Variants in POLA1 observed in about 807,000 individuals in gnomAD.
POLA1 encodes DNA polymerase alpha catalytic subunit.
A neutral mutation model predicts 124.0 loss-of-function variants in POLA1; 15 were observed. The observed-to-expected ratio is 0.12, with a 90% CI of 0.08 to 0.19. POLA1 has a LOEUF of 0.19. Among genes scored for constraint, POLA1 ranks in the 10% least tolerant of loss-of-function variants. POLA1 has a pLI of 1.00. For synonymous variants in POLA1, 408 were observed against 389.4 expected (o/e 1.05, Z -0.56); for missense variants, 886 against 1,103.4 (o/e 0.80, Z 2.79).
At chrX:24,853,003 C>G (rs57360729) in intron 34 of POLA1, among the ~76,000 whole-genome samples, 10,899 of 112,072 alleles carry the variant, frequency 0.097, 1,087 homozygotes, top group African/African-American at 0.3. Flanking sequence ...TGTATACTAA[C>G]GATTTATAAA....
At chrX:24,737,590 TATAAC>T (rs780310536) in intron 18 of POLA1, 30 bp from the exon 19 acceptor site, 6 of 690,645 alleles carry the variant, frequency 8.7e-6, no homozygotes, top group Admixed American at 7.6e-5. Flanking sequence ...TTGCATTTGT[TATAAC>T]ATTATCAGCT....
chrX:24,896,465 TTTTTG>T lies in POLA1; in HGVS notation c.4164+8363_4164+8367del, dbSNP rs769263252. ...TTTGTTTTGGTTTTTGGTTTTTGGG[TTTTTG>T]TTTTGTTTTGTTTTGTTTTTTTGCG... On this transcript the variant is annotated intron_variant, in intron 35 of 36. Coordinates refer to ENST00000379068, the MANE Select transcript of POLA1 (RefSeq NM_001330360.2). Among the ~76,000 whole-genome samples, 870 of 108,907 alleles carry T rather than the reference TTTTTG, an allele frequency of 8.0e-3. 4 individuals are homozygous for T. The highest frequency in any genetic ancestry group is 0.013 in the Non-Finnish European group (693 of 53,043). 94.6% of individuals were successfully genotyped at this position (108,907 alleles called of 115,157 possible).
intron 35 of POLA1, among the ~76,000 whole-genome samples, chrX:24,895,264 A>G (rs912169758): frequency 2.7e-5 from 3 of 112,208 alleles, no homozygotes; most frequent in African/African-American, 9.7e-5. Context: ...ATTCCTTATC[A>G]TGTGAAAGAA....
At chrX:24,714,153 A>AGTTTTGTTTT in intron 4 of POLA1, among the ~76,000 whole-genome samples, 1 of 111,737 alleles carries the variant, frequency 8.9e-6, no homozygotes, top group South Asian at 3.7e-4. Flanking sequence ...AGAATCTCAT[A>AGTTTTGTTTT]GTTTTGTTTT....
chrX:24,948,749 A>C (rs759798425), intron 36 of POLA1, among the ~76,000 whole-genome samples: 2 of 112,215 alleles, frequency 1.8e-5, no homozygotes, highest in South Asian at 7.4e-4. Flanking sequence ...GGGAGAATTA[A>C]AAGATTTGCT....
intron 32 of POLA1, among the ~76,000 whole-genome samples, chrX:24,828,227 T>C (rs892136136): frequency 8.9e-6 from 1 of 112,887 alleles, no homozygotes; most frequent in African/African-American, 3.2e-5. Flanking sequence ...GAGCGTTTGC[T>C]CTGTTGGATA....
chrX:24,827,383 A>C (rs2046189282), intron 32 of POLA1, among the ~76,000 whole-genome samples: 2 of 112,521 alleles, frequency 1.8e-5, no homozygotes, highest in South Asian at 7.4e-4. Flanking sequence ...TTTTCAGAGT[A>C]CTGCCTAATG....
At chrX:24,929,616 G>A (rs1053589747) in intron 35 of POLA1, among the ~76,000 whole-genome samples, 6 of 112,131 alleles carry the variant, frequency 5.4e-5, no homozygotes, top group Non-Finnish European at 9.4e-5. Context: ...TTGTAGGTCA[G>A]TTGATTTAAA....
At chrX:24,833,069 T>TC (rs1392051098) in intron 32 of POLA1, among the ~76,000 whole-genome samples, 1 of 110,432 alleles carries the variant, frequency 9.1e-6, no homozygotes, top group East Asian at 2.9e-4. Flanking sequence ...ATCCCACCTT[T>TC]CCCCCCAAGT....
At position 24,737,674 on chromosome X, in the gene POLA1, A is replaced by T; in HGVS notation, c.1973A>T (p.Asn658Ile). 8.4e-7 allele frequency: 1 copy of T among 1,183,591 alleles called. No individual in the cohort carries two copies. Among genetic ancestry groups the T allele is most frequent in the Non-Finnish European group, 1.1e-6 (1 of 870,450 alleles). ...CTGGAAGTACTACTGCAGAGAATTA[A>T]TGTGTGCAAAGCTCCTCACTGGTCC... Reference protein sequence around the residue: ...FELEVLLQRINVCKAPHWSKI... With the variant: ...FELEVLLQRIIVCKAPHWSKI... Residue 658 changes from asparagine to isoleucine, a missense_variant, in exon 19 of 37, where the codon AAT (asparagine) becomes ATT (isoleucine). Transcript: ENST00000379068.
At chrX:24,844,083 T>C (rs997879250) in intron 34 of POLA1, among the ~76,000 whole-genome samples, 3 of 111,750 alleles carry the variant, frequency 2.7e-5, no homozygotes, top group African/African-American at 9.7e-5. Context: ...GTAGTGATCT[T>C]AGTGGACTGC....
intron 35 of POLA1, among the ~76,000 whole-genome samples, chrX:24,894,081 G>A (rs1432935628): frequency 2.7e-5 from 3 of 111,572 alleles, no homozygotes; most frequent in East Asian, 5.6e-4. Flanking sequence ...CTGAGTCTTC[G>A]TTTCTCTAGA....
chrX:24,899,193 G>A, intron 35 of POLA1, among the ~76,000 whole-genome samples: 1 of 111,766 alleles, frequency 8.9e-6, no homozygotes, highest in East Asian at 2.8e-4. Flanking sequence ...TAAGATCCGT[G>A]TGCTATAAAT....
chrX:24,744,233 T>C (rs948712628), intron 23 of POLA1, among the ~76,000 whole-genome samples: 27 of 112,462 alleles, frequency 2.4e-4, no homozygotes, highest in African/African-American at 8.7e-4. Flanking sequence ...TATAATGAAA[T>C]GGAGCAGTAG....
intron 26 of POLA1, among the ~76,000 whole-genome samples, chrX:24,806,408 T>A (rs1232719191): frequency 1.8e-5 from 2 of 110,314 alleles, no homozygotes; most frequent in East Asian, 5.7e-4. Context: ...TTGGAGTGTT[T>A]CTGCTCATTA....
intron 34 of POLA1, among the ~76,000 whole-genome samples, chrX:24,867,223 C>T (rs1420351705): frequency 9.1e-6 from 1 of 109,807 alleles, no homozygotes; most frequent in Non-Finnish European, 1.9e-5. Flanking sequence ...TTTTTTTTAT[C>T]CTTCTCAATT....
At chrX:24,884,828 A>G (rs2047045357) in intron 34 of POLA1, among the ~76,000 whole-genome samples, 1 of 112,356 alleles carries the variant, frequency 8.9e-6, no homozygotes, top group Non-Finnish European at 1.9e-5. Flanking sequence ...ATAAGCACTG[A>G]ATAGAGAGGT....
chrX:24,996,072 T>A lies in POLA1; in HGVS notation c.*122T>A. Reference sequence around the variant, plus strand: ...CTCCCTTGGGACTGTGTCTCATGTTTGTGTGAATGTAGACCAGGAAAGGGG... The same window carrying A: ...CTCCCTTGGGACTGTGTCTCATGTTAGTGTGAATGTAGACCAGGAAAGGGG... On this transcript the variant is annotated 3_prime_UTR_variant, in exon 37 of 37. Coordinates refer to ENST00000379068, the MANE Select transcript of POLA1 (RefSeq NM_001330360.2). 1 of 604,809 alleles carries A rather than the reference T, an allele frequency of 1.7e-6. No individual in the cohort carries two copies. Among genetic ancestry groups the A allele is most frequent in the Non-Finnish European group, 2.6e-6 (1 of 390,106 alleles). 49.8% of individuals were successfully genotyped at this position (604,809 alleles called of 1,213,427 possible). A position where few individuals can be genotyped will look rare whatever the true frequency, so the allele number is the denominator to read the frequency against.
chrX:24,864,224 C>T (rs1015095054), intron 34 of POLA1, among the ~76,000 whole-genome samples: 2 of 110,774 alleles, frequency 1.8e-5, no homozygotes, highest in African/African-American at 6.6e-5. Flanking sequence ...TCAGGTGATC[C>T]GCCCGCCTCG....
Sources: gnomAD v4.1 joint callset for allele counts (sites outside exome capture counted in the v4.1 genomes callset) on GRCh38, gnomAD v4.1.1 for gene constraint, MANE v1.5 for transcripts, NCBI Gene and HGNC (gene_info 2026-07-23, HGNC 2026-07-21) for gene names.